The following KDM7A variants were observed in gnomAD, a reference collection of about 807,000 sequenced individuals.
The protein encoded by KDM7A is lysine-specific demethylase 7A.
KDM7A carries 28 observed loss-of-function variants against 114.8 expected under a neutral mutation model. The ratio of observed to expected loss-of-function variants is 0.24; its 90% confidence interval spans 0.18 to 0.33. The LOEUF is 0.33. Among genes scored for constraint, KDM7A ranks in the 10% least tolerant of loss-of-function variants. The probability of loss-of-function intolerance (pLI) is 1.00; values close to 1 mark genes in which losing one functional copy is unlikely to be tolerated. For missense variants in KDM7A, 942 were observed against 1,142.5 expected, an observed-to-expected ratio of 0.82 and a Z score of 2.53; for synonymous variants, 423 against 397.8, an observed-to-expected ratio of 1.06 and a Z score of -0.75.
At chr7:140,149,957 A>G (rs1794381434) in intron 1 of KDM7A, among the ~76,000 whole-genome samples, 1 of 152,216 alleles carries the variant, frequency 6.6e-6, no homozygotes. Flanking sequence ...GTGAATATTT[A>G]TATGCCTCTC....
Position 140,096,990 on chromosome 7 carries a change from T to C in KDM7A, c.2074A>G (p.Ile692Val), listed in dbSNP as rs760446550. Reference protein sequence around the residue: ...ESSGDEKKQEITSNFKEESNV... With the variant: ...ESSGDEKKQEVTSNFKEESNV... ...GATTCCTCCTTAAAGTTGGATGTTATTTCTTGTTTCTTTTCATCACCTGAA... is the reference window on the plus strand; with the variant it reads ...GATTCCTCCTTAAAGTTGGATGTTACTTCTTGTTTCTTTTCATCACCTGAA... Residue 692 changes from isoleucine (I) to valine (V), a missense_variant, in exon 16 of 20, where the codon ATA becomes GTA. By Grantham distance (29) the Ile-to-Val change is conservative. Coordinates refer to ENST00000397560, the MANE Select transcript of KDM7A (RefSeq NM_030647.2). 6 of 1,612,776 alleles carry C rather than the reference T, an allele frequency of 3.7e-6. No homozygotes were observed. The African/African-American group carries it at 6.7e-5, about 18-fold the overall frequency.
At position 140,129,510 on chromosome 7, in the gene KDM7A, T is replaced by C; in HGVS notation, c.542A>G (p.Asp181Gly). Reference sequence around the variant, plus strand: ...GTTCGTACCTACATAACGTTCCACATCCATCACAGAAAATGTAGGTGAAGG... The same window carrying C: ...GTTCGTACCTACATAACGTTCCACACCCATCACAGAAAATGTAGGTGAAGG... ...RLPSPTFSVMDVERYVGGDKV... is the reference protein window; with the variant it reads ...RLPSPTFSVMGVERYVGGDKV... The change falls in exon 4 of 20, where the codon GAT becomes GGT. Residue 181 changes from aspartate to glycine, a missense_variant. Transcript: ENST00000397560. The C allele has an allele frequency of 6.2e-7, 1 of 1,613,636 alleles. No individual in the cohort carries two copies. The highest frequency in any genetic ancestry group is 2.2e-5 in the East Asian group (1 of 44,846).
At chr7:140,108,456 G>A (rs768561765) in intron 11 of KDM7A, among the ~76,000 whole-genome samples, 21 of 152,122 alleles carry the variant, frequency 1.4e-4, no homozygotes, top group Non-Finnish European at 2.2e-4. Context: ...CTAGAGATGG[G>A]GTTTTGGTGT....
intron 1 of KDM7A, among the ~76,000 whole-genome samples, chr7:140,157,992 A>AAT (rs1044123638): frequency 6.8e-6 from 1 of 146,442 alleles, no homozygotes; most frequent in African/African-American, 2.5e-5. Context: ...ATAAATAAAT[A>AAT]AATAATAATA....
At chr7:140,107,829 G>A (rs546203248) in intron 11 of KDM7A, among the ~76,000 whole-genome samples, 34 of 152,282 alleles carry the variant, frequency 2.2e-4, no homozygotes, top group Admixed American at 3.9e-4. Context: ...GCCTTGCTAG[G>A]TTGGGGAAGT....
At position 140,089,381 on chromosome 7, in the gene KDM7A, T is replaced by C. The variant is rs1207557428; in HGVS notation, c.*1713A>G. The C allele has an allele frequency of 2.0e-5, 3 of 152,178 alleles. No homozygotes were observed. Among genetic ancestry groups the C allele is most frequent in the Non-Finnish European group, 4.4e-5 (3 of 68,026 alleles). The allele number at this position is 152,178 out of a possible 1,614,324, so 9.4% of individuals were successfully genotyped here. Reference sequence around the variant, plus strand: ...CACAAGAAGTATTTCTCTTTGAAAATATACATTTGAATGCAACCATGAAAG... The same window carrying C: ...CACAAGAAGTATTTCTCTTTGAAAACATACATTTGAATGCAACCATGAAAG... On this transcript the variant is annotated 3_prime_UTR_variant, in exon 20 of 20. Transcript: ENST00000397560.
At chr7:140,130,498 G>A (rs1465168082) in intron 3 of KDM7A, among the ~76,000 whole-genome samples, 2 of 151,974 alleles carry the variant, frequency 1.3e-5, no homozygotes, top group Non-Finnish European at 2.9e-5. Context: ...GTGGGCATCT[G>A]TAATCCTAGC....
chr7:140,112,633 T>C (rs951321628), intron 10 of KDM7A, among the ~76,000 whole-genome samples: 2 of 151,988 alleles, frequency 1.3e-5, no homozygotes, highest in East Asian at 1.9e-4. Flanking sequence ...GAAATTAATA[T>C]GGACATGTAT....
chr7:140,091,713 C>G (rs1436137950), intron 19 of KDM7A, 91 bp downstream of exon 19: 1 of 1,399,474 alleles, frequency 7.1e-7, no homozygotes. Flanking sequence ...AGATGTTGAA[C>G]AACTTGAGTG....
At chr7:140,134,507 C>CA (rs1462183897) in intron 2 of KDM7A, among the ~76,000 whole-genome samples, 1 of 151,824 alleles carries the variant, frequency 6.6e-6, no homozygotes, top group African/African-American at 2.4e-5. Context: ...AGCAGAGTGG[C>CA]ACTACCTACA....
intron 1 of KDM7A, among the ~76,000 whole-genome samples, chr7:140,148,124 A>G (rs1794359479): frequency 6.6e-6 from 1 of 152,118 alleles, no homozygotes; most frequent in Non-Finnish European, 1.5e-5. Context: ...TTTGAGCCCA[A>G]ATAGGAACTA....
rs62491382 is a variant in KDM7A at position 140,101,235 on chromosome 7, C to T, written c.1638+716G>A. 3.3e-5 allele frequency among the ~76,000 whole-genome samples: 5 copies of T among 152,052 alleles called. 1 individual carries two copies. The highest frequency in any genetic ancestry group is 1.2e-4 in the African/African-American group (5 of 41,426). ...AAGTCACTACCATGTTCTGCAAAGG[C>T]GCTACACTGATCTCATTACTACCTC... On this transcript the variant is annotated intron_variant, in intron 12 of 19. Transcript: ENST00000397560.
chr7:140,123,694 T>G (rs746248954), intron 7 of KDM7A, among the ~76,000 whole-genome samples: 1 of 152,156 alleles, frequency 6.6e-6, no homozygotes, highest in Non-Finnish European at 1.5e-5. Context: ...ACTTTTGCAT[T>G]AGGGATGCTC....
In KDM7A at chr7:140,098,990, C is replaced by A. The variant is rs781363354; in HGVS notation, c.1807G>T (p.Asp603Tyr). The change falls in exon 14 of 20, where the codon GAT becomes TAT. Residue 603 changes from aspartate to tyrosine, a missense_variant. Transcript: ENST00000397560. ...PFADQSLYTA[D>Y]SENEEDKRRT... is the part of the protein sequence containing the mutation. ...CTTTTATCCTCTTCATTTTCACTAT[C>A]TGCTGTATAAAGACTTTGATCTGCA... 1.2e-6 allele frequency: 2 copies of A among 1,613,196 alleles called. No homozygotes were observed. The highest frequency in any genetic ancestry group is 1.7e-6 in the Non-Finnish European group (2 of 1,179,496).
rs1794714077 is a variant in KDM7A at position 140,176,672 on chromosome 7, G to C, written c.194+72C>G. The C allele has an allele frequency of 2.0e-6, 2 of 1,018,850 alleles. No individual in the cohort carries two copies. The highest frequency in any genetic ancestry group is 2.4e-6 in the Non-Finnish European group (2 of 841,670). 63.1% of individuals were successfully genotyped at this position (1,018,850 alleles called of 1,614,324 possible). A position where few individuals can be genotyped will look rare whatever the true frequency, so the allele number is the denominator to read the frequency against. ...GGCGGCCCGGCCCGAGGGAGGCGCGGGCGGCCGGCGGCGGCGGCGGTTGGT... is the reference window on the plus strand; with the variant it reads ...GGCGGCCCGGCCCGAGGGAGGCGCGCGCGGCCGGCGGCGGCGGCGGTTGGT... On this transcript the variant is annotated intron_variant, in intron 1 of 19. Coordinates refer to ENST00000397560, the MANE Select transcript of KDM7A (RefSeq NM_030647.2). The surrounding 1 kb of genome is among the most constrained non-coding windows in gnomAD (Gnocchi z 4.4).
At chr7:140,130,234 G>A (rs1421990078) in intron 3 of KDM7A, among the ~76,000 whole-genome samples, 1 of 152,170 alleles carries the variant, frequency 6.6e-6, no homozygotes, top group African/African-American at 2.4e-5. Flanking sequence ...GTAATGAACG[G>A]TTAGATTTAA....
Position 140,096,656 on chromosome 7 carries a change from T to C in KDM7A, c.2273A>G (p.Asp758Gly). 6.2e-7 allele frequency: 1 copy of C among 1,614,146 alleles called. No homozygotes were observed. The highest frequency in any genetic ancestry group is 1.1e-5 in the South Asian group (1 of 91,080). Reference sequence around the variant, plus strand: ...GAGAGAGTTTCTTTCACCACTGCAGTCTGTGCTTTGTATTTGCCTTTGTAA... The same window carrying C: ...GAGAGAGTTTCTTTCACCACTGCAGCCTGTGCTTTGTATTTGCCTTTGTAA... ...TCLQRQIQST[D>G]CSGERNSLQD... Residue 758 changes from aspartate to glycine, a missense_variant, in exon 17 of 20, where the codon GAC becomes GGC. Coordinates refer to ENST00000397560, the MANE Select transcript of KDM7A (RefSeq NM_030647.2).
In KDM7A at chr7:140,091,089, C is replaced by T; in HGVS notation, c.*5G>A. On this transcript the variant is annotated 3_prime_UTR_variant, in exon 20 of 20. Transcript: ENST00000397560. ...AAGGGAAGAATGGCTGCAACAGCAG[C>T]TCTGTCACACAAAGAAACGTGCATG... 1 of 1,607,148 alleles carries T rather than the reference C, an allele frequency of 6.2e-7. No individual in the cohort carries two copies. The highest frequency in any genetic ancestry group is 2.2e-5 in the East Asian group (1 of 44,854).
At chr7:140,113,355 G>A (rs2116775329) in intron 10 of KDM7A, 136 bp downstream of exon 10, 1 of 476,508 alleles carries the variant, frequency 2.1e-6, no homozygotes. Context: ...ATAATAAAAT[G>A]CAGGTTGTAT....
Sources: allele counts gnomAD v4.1 joint callset (sites outside exome capture counted in the v4.1 genomes callset), GRCh38; gene constraint gnomAD v4.1.1; non-coding constraint Gnocchi (gnomAD v3.1); transcripts MANE v1.5; gene names NCBI Gene and HGNC (gene_info 2026-07-23, HGNC 2026-07-21).